FMN2: variants seen among roughly 807,000 people sequenced by gnomAD.
The protein encoded by FMN2 is formin 2.
Under a neutral mutation model 142.3 loss-of-function variants are expected in FMN2, and 51 were observed. The observed-to-expected ratio is 0.36, with a 90% confidence interval of 0.29 to 0.45. FMN2 has a LOEUF of 0.45. Among genes scored for constraint, FMN2 ranks in the 20% least tolerant of loss-of-function variants. The pLI is 1.00. For synonymous variants in FMN2, 882 were observed against 869.8 expected (o/e 1.01, Z -0.25); for missense variants, 1,936 against 2,122.8 (o/e 0.91, Z 1.73).
Position 240,092,877 on chromosome 1 carries a change from G to A in FMN2, c.768G>A (p.Pro256=). ...FLGLDRFLLG[P]SGGAGEAPGS... is the part of the protein sequence containing the mutation. ...GCCTGGACCGGTTCCTGCTGGGGCC[G>A]AGCGGCGGGGCTGGGGAGGCCCCGG... Residue 256 remains proline (P), a synonymous_variant, in exon 1 of 18, where the codon CCG becomes CCA. Transcript: ENST00000319653. 2.6e-6 allele frequency: 4 copies of A among 1,526,220 alleles called. No individual in the cohort carries two copies. The highest frequency in any genetic ancestry group is 3.5e-6 in the Non-Finnish European group (4 of 1,141,954). 94.5% of individuals were successfully genotyped at this position (1,526,220 alleles called of 1,614,324 possible). A position where few individuals can be genotyped will look rare whatever the true frequency, so the allele number is the denominator to read the frequency against.
At chr1:240,189,146 G>A (rs547411075) in intron 4 of FMN2, among the ~76,000 whole-genome samples, 79 of 146,596 alleles carry the variant, frequency 5.4e-4, no homozygotes, top group African/African-American at 1.5e-3. Flanking sequence ...ACGCTAAAAT[G>A]CAAGCTATGC....
intron 7 of FMN2, among the ~76,000 whole-genome samples, chr1:240,259,414 TACAG>T (rs1232041935): frequency 6.6e-6 from 1 of 151,738 alleles, no homozygotes; most frequent in African/African-American, 2.4e-5. Context: ...TGAAGGGTCA[TACAG>T]AATCATGCAG....
chr1:240,210,695 A>G (rs1160513560), intron 5 of FMN2, among the ~76,000 whole-genome samples: 1 of 152,234 alleles, frequency 6.6e-6, no homozygotes, highest in Non-Finnish European at 1.5e-5. Context: ...AGAGGATGCC[A>G]TCCTGTAAAT....
chr1:240,243,670 G>A (rs1203744337), intron 6 of FMN2, among the ~76,000 whole-genome samples: 1 of 152,140 alleles, frequency 6.6e-6, no homozygotes, highest in Non-Finnish European at 1.5e-5. Flanking sequence ...CTCAAGTTAT[G>A]GGAATATTGC....
intron 2 of FMN2, among the ~76,000 whole-genome samples, chr1:240,167,507 T>C (rs555679809): frequency 6.6e-6 from 1 of 152,328 alleles, no homozygotes; most frequent in African/African-American, 2.4e-5. Flanking sequence ...TGATGTTATC[T>C]TATTATTCTT....
intron 8 of FMN2, among the ~76,000 whole-genome samples, chr1:240,305,257 T>C (rs2102978813): frequency 6.6e-6 from 1 of 152,320 alleles, no homozygotes; most frequent in East Asian, 1.9e-4. Context: ...ACATAGTCTG[T>C]GTAACTGTAT....
chr1:240,341,460 G>A (rs1671739041), intron 13 of FMN2: 1 of 151,594 alleles, frequency 6.6e-6, no homozygotes, highest in Admixed American at 6.6e-5. Flanking sequence ...TCTCACTACT[G>A]CACTTGACTA....
intron 4 of FMN2, among the ~76,000 whole-genome samples, chr1:240,195,074 T>G (rs530248404): frequency 6.6e-6 from 1 of 152,336 alleles, no homozygotes; most frequent in East Asian, 1.9e-4. Flanking sequence ...TGAAAGTTGC[T>G]TTCATTGCAT....
rs555418093 is a variant in FMN2, at chr1:240,104,001, C to G, written c.1615+10277C>G. Among the ~76,000 whole-genome samples, 387 of 151,762 alleles carry G rather than the reference C, an allele frequency of 2.6e-3. 1 individual carries two copies. In the South Asian group the frequency reaches 0.032, roughly 12 times the overall value. On this transcript the variant is annotated intron_variant, in intron 1 of 17. Coordinates refer to ENST00000319653, the MANE Select transcript of FMN2 (RefSeq NM_020066.5). ...ACGCCATTCTCCTGCCTCAGCCTCC[C>G]GAGTAGCTGGGACTACAGGCGCCCG...
chr1:240,105,046 A>G (rs770761721), intron 1 of FMN2, among the ~76,000 whole-genome samples: 1 of 136,708 alleles, frequency 7.3e-6, no homozygotes, highest in African/African-American at 2.7e-5. Flanking sequence ...AAAAGGTTTT[A>G]TTTGAGTAGG....
At chr1:240,386,368 G>GA (rs1390261379) in intron 14 of FMN2, among the ~76,000 whole-genome samples, 2 of 152,094 alleles carry the variant, frequency 1.3e-5, no homozygotes, top group Non-Finnish European at 2.9e-5. Context: ...AAATAAAAAG[G>GA]AAAAATAGCA....
At chr1:240,247,700 T>A (rs2102879435) in intron 6 of FMN2, among the ~76,000 whole-genome samples, 1 of 152,182 alleles carries the variant, frequency 6.6e-6, no homozygotes, top group South Asian at 2.1e-4. Flanking sequence ...ATGAAACGGG[T>A]GGCTTTGGAA....
chr1:240,186,678 T>A (rs1665466081), intron 3 of FMN2, among the ~76,000 whole-genome samples: 1 of 152,112 alleles, frequency 6.6e-6, no homozygotes, highest in Admixed American at 6.5e-5. Context: ...GGCGGCCCTA[T>A]GGAAGAAGCA....
intron 2 of FMN2, among the ~76,000 whole-genome samples, chr1:240,177,085 T>C (rs536808134): frequency 5.6e-4 from 86 of 152,350 alleles, no homozygotes; most frequent in African/African-American, 1.9e-3. Flanking sequence ...GGATCAAAGG[T>C]ATTAGGGAAA....
chr1:240,143,742 A>G, intron 2 of FMN2: 1 of 1,531,052 alleles, frequency 6.5e-7, no homozygotes, highest in East Asian at 2.3e-5. Context: ...TGAGCTCAGT[A>G]CTTCTCCCTG....
At chr1:240,193,499 G>A (rs10926161) in intron 4 of FMN2, among the ~76,000 whole-genome samples, 57,406 of 152,128 alleles carry the variant, frequency 0.38, 11,167 homozygotes, top group South Asian at 0.4. Flanking sequence ...AGATCAAATC[G>A]TCATTTTTGG....
chr1:240,249,933 G>T (rs1228709824), intron 6 of FMN2, among the ~76,000 whole-genome samples: 1 of 151,930 alleles, frequency 6.6e-6, no homozygotes, highest in Non-Finnish European at 1.5e-5. Context: ...ATTTTTGTAT[G>T]TTGATTTTGT....
At chr1:240,305,627 C>G (rs1013695051) in intron 8 of FMN2, among the ~76,000 whole-genome samples, 11 of 152,078 alleles carry the variant, frequency 7.2e-5, no homozygotes, top group African/African-American at 2.7e-4. Context: ...AATAGTATTA[C>G]GTGGTTTGGA....
Position 240,198,834 on chromosome 1 carries a change from C to T in FMN2, c.1987-7965C>T, listed in dbSNP as rs139212444. Among the ~76,000 whole-genome samples the T allele has an allele frequency of 7.6e-3, 1,152 of 152,174 alleles. 14 individuals carry two copies. Among genetic ancestry groups the T allele is most frequent in the African/African-American group, 0.026 (1,093 of 41,508 alleles). On this transcript the variant is annotated intron_variant, in intron 4 of 17. Coordinates refer to ENST00000319653, the MANE Select transcript of FMN2 (RefSeq NM_020066.5). The stretch of plus-strand genomic sequence containing the variant: ...TAATTTAGAACATGACAGCCTGGCG[C>T]GGTGGCTCACACCTGTAATCCCAGC...
Sources: allele counts gnomAD v4.1 joint callset (sites outside exome capture counted in the v4.1 genomes callset), GRCh38; gene constraint gnomAD v4.1.1; transcripts MANE v1.5; gene names NCBI Gene and HGNC (gene_info 2026-07-23, HGNC 2026-07-21).